SLC25A36: variants seen among roughly 807,000 people sequenced by gnomAD.
SLC25A36 encodes the protein epididymis secretory sperm binding protein.
In SLC25A36, 24 loss-of-function variants were observed where a neutral mutation model predicts 35.3. The ratio of observed to expected loss-of-function variants is 0.68; its 90% confidence interval spans 0.49 to 0.96. SLC25A36 has a LOEUF of 0.96. SLC25A36 is among the 40% of genes least tolerant of loss of function. SLC25A36 has a pLI of 0.00. For synonymous variants in SLC25A36, 141 were observed against 132.2 expected, an observed-to-expected ratio of 1.07 and a Z score of -0.46; for missense variants, 294 against 381.1, an observed-to-expected ratio of 0.77 and a Z score of 1.90.
intron 4 of SLC25A36, chr3:140,964,909 G>A (rs920956851): frequency 6.6e-6 from 1 of 151,754 alleles, no homozygotes; most frequent in Non-Finnish European, 1.5e-5. Context: ...CAGTAGAATT[G>A]TCAGTTTGCA....
At chr3:140,957,882 T>C (rs1017820067) in intron 2 of SLC25A36, among the ~76,000 whole-genome samples, 3 of 152,232 alleles carry the variant, frequency 2.0e-5, no homozygotes, top group Non-Finnish European at 2.9e-5. Flanking sequence ...GATAATACTT[T>C]TTAATTCTCT....
chr3:140,973,547 A>C, intron 5 of SLC25A36, 169 bp from the exon 6 acceptor site: 4 of 510,568 alleles, frequency 7.8e-6, no homozygotes, highest in East Asian at 3.5e-5. Flanking sequence ...ATTTAATATG[A>C]CAAATTTGGG....
In SLC25A36 at chr3:140,967,773, A is replaced by G. The variant is rs543873841; in HGVS notation, c.386-3154A>G. ...TTTTTAAAAATTTTTTAAGCTTTCT[A>G]ACATACTAACCATCCTACTAAGAGT... On this transcript the variant is annotated intron_variant, in intron 4 of 6. Transcript: ENST00000324194. Among the ~76,000 whole-genome samples, 53 of 152,072 alleles carry G rather than the reference A, an allele frequency of 3.5e-4. 1 individual carries two copies. Among genetic ancestry groups the G allele is most frequent in the South Asian group, 1.9e-3 (9 of 4,824 alleles).
chr3:140,948,285 T>C (rs1417102308), intron 1 of SLC25A36, among the ~76,000 whole-genome samples: 1 of 151,906 alleles, frequency 6.6e-6, no homozygotes, highest in Non-Finnish European at 1.5e-5. Context: ...TGAAAAACTC[T>C]TTAAGTTTGG....
chr3:140,966,125 G>A (rs1934752098), intron 4 of SLC25A36: 1 of 152,176 alleles, frequency 6.6e-6, no homozygotes, highest in African/African-American at 2.4e-5. Flanking sequence ...GGTTTTATTT[G>A]CTCACAGCAT....
intron 3 of SLC25A36, 105 bp downstream of exon 3, chr3:140,959,645 T>C: frequency 2.0e-6 from 1 of 495,022 alleles, no homozygotes; most frequent in South Asian, 5.2e-5. Flanking sequence ...ATAAATGTAG[T>C]ATTCAATGTT....
At chr3:140,971,026 AG>A in intron 5 of SLC25A36, 33 bp downstream of exon 5, 1 of 922,548 alleles carries the variant, frequency 1.1e-6, no homozygotes, top group Non-Finnish European at 1.8e-6. Context: ...AATTGGTTAA[AG>A]TGGATTTAAC....
rs1559807807 is a variant in SLC25A36 at position 140,942,009 on chromosome 3, A to G, written c.-46A>G. 3.6e-6 allele frequency: 4 copies of G among 1,108,476 alleles called. No homozygotes were observed. The highest frequency in any genetic ancestry group is 5.3e-6 in the Non-Finnish European group (4 of 756,428). The allele number at this position is 1,108,476 out of a possible 1,614,324, so 68.7% of individuals were successfully genotyped here. ...AAGCCGCCTGCCGTAGCGGGCGGCC[A>G]GATCCGCGTCCCGCCTCAGCGGCCG... On this transcript the variant is annotated 5_prime_UTR_variant, in exon 1 of 7. Coordinates refer to ENST00000324194, the MANE Select transcript of SLC25A36 (RefSeq NM_001104647.3).
Position 140,946,207 on chromosome 3 carries a change from T to C in SLC25A36, c.41+4112T>C, listed in dbSNP as rs574318411. Among the ~76,000 whole-genome samples the C allele has an allele frequency of 9.2e-5, 14 of 152,302 alleles. No homozygotes were observed. The East Asian group carries it at 2.7e-3, about 29-fold the overall frequency. On this transcript the variant is annotated intron_variant, in intron 1 of 6. Transcript: ENST00000324194. ...AAAAAAATGGTGCACCTTAAAGGAC[T>C]GTGGTAGGAGTGCACTCTAGTACTA...
At chr3:140,947,323 A>T (rs1311302166) in intron 1 of SLC25A36, among the ~76,000 whole-genome samples, 1 of 152,152 alleles carries the variant, frequency 6.6e-6, no homozygotes, top group African/African-American at 2.4e-5. Context: ...GGGGAAATTT[A>T]CTTTTACTAA....
At chr3:140,954,521 T>C (rs1934424841) in intron 1 of SLC25A36, among the ~76,000 whole-genome samples, 1 of 152,226 alleles carries the variant, frequency 6.6e-6, no homozygotes, top group Non-Finnish European at 1.5e-5. Context: ...GTAAGAGATT[T>C]CCAGTTCAGC....
At chr3:140,974,992 C>T (rs933108478) in intron 6 of SLC25A36, among the ~76,000 whole-genome samples, 1 of 150,422 alleles carries the variant, frequency 6.6e-6, no homozygotes, top group African/African-American at 2.4e-5. Context: ...GGATGGTGGC[C>T]TGCTAAGGTG....
At chr3:140,968,683 C>T (rs2107809531) in intron 4 of SLC25A36, 1 of 982,430 alleles carries the variant, frequency 1.0e-6, no homozygotes, top group South Asian at 4.7e-5. Flanking sequence ...TTTTTTCCAG[C>T]CTCAAATTCT....
At position 140,968,875 on chromosome 3, in the gene SLC25A36, A is replaced by G. The variant is rs374744104; in HGVS notation, c.386-2052A>G. Reference sequence around the variant, plus strand: ...GGCTGTTTTTTAAAAAGTTTGATGTAAAGATTCCCAGTTTTAAGCTTTTAA... The same window carrying G: ...GGCTGTTTTTTAAAAAGTTTGATGTGAAGATTCCCAGTTTTAAGCTTTTAA... On this transcript the variant is annotated intron_variant, in intron 4 of 6. Coordinates refer to ENST00000324194, the MANE Select transcript of SLC25A36 (RefSeq NM_001104647.3). 18 of 207,712 alleles carry G rather than the reference A, an allele frequency of 8.7e-5. No homozygotes were observed. The South Asian group carries it at 2.2e-3, about 25-fold the overall frequency. 12.9% of individuals were successfully genotyped at this position (207,712 alleles called of 1,614,324 possible).
chr3:140,953,404 G>GT (rs2107789069), intron 1 of SLC25A36, among the ~76,000 whole-genome samples: 1 of 146,978 alleles, frequency 6.8e-6, no homozygotes. Flanking sequence ...TTTGGGGGGG[G>GT]GGTTAAATTT....
intron 5 of SLC25A36, chr3:140,972,814 C>T (rs1934940565): frequency 2.0e-5 from 3 of 152,030 alleles, no homozygotes; most frequent in African/African-American, 7.2e-5. Flanking sequence ...CTGGTGGAAT[C>T]TGTAGGTAAT....
rs1189836221 is a variant in SLC25A36 at position 140,976,483 on chromosome 3, A to G, written c.*30A>G. ...ACGAGGACTGCTGTACTGCAAAAAAAGAAGACCAAAAGATTACAGTGGACC... is the reference window on the plus strand; with the variant it reads ...ACGAGGACTGCTGTACTGCAAAAAAGGAAGACCAAAAGATTACAGTGGACC... On this transcript the variant is annotated 3_prime_UTR_variant, in exon 7 of 7. Transcript: ENST00000324194. 1 of 1,562,602 alleles carries G rather than the reference A, an allele frequency of 6.4e-7. No individual in the cohort carries two copies. The highest frequency in any genetic ancestry group is 2.2e-5 in the East Asian group (1 of 44,494).
chr3:140,973,729 A>G lies in SLC25A36; in HGVS notation c.466A>G (p.Arg156Gly). 6.8e-7 allele frequency: 1 copy of G among 1,476,478 alleles called. No individual in the cohort carries two copies. The highest frequency in any genetic ancestry group is 9.1e-7 in the Non-Finnish European group (1 of 1,103,530). The allele number at this position is 1,476,478 out of a possible 1,614,324, so 91.5% of individuals were successfully genotyped here. A position where few individuals can be genotyped will look rare whatever the true frequency, so the allele number is the denominator to read the frequency against. The change falls in exon 6 of 7, where the codon AGG becomes GGG. Residue 156 changes from arginine to glycine, a missense_variant. Around this residue, in one of 2 missense-constraint regions of SLC25A36, gnomAD observed 185 missense variants for 201.5 expected, o/e 0.92. Coordinates refer to ENST00000324194, the MANE Select transcript of SLC25A36 (RefSeq NM_001104647.3). ...LQLDARNRGE[R>G]RMGAFECVRK... is the part of the protein sequence containing the mutation. Reference sequence around the variant, plus strand: ...TTTGCTTTTCAGGAACCGCGGGGAAAGGCGAATGGGTGCTTTTGAATGTGT... The same window carrying G: ...TTTGCTTTTCAGGAACCGCGGGGAAGGGCGAATGGGTGCTTTTGAATGTGT...
chr3:140,947,942 C>T (rs931609646), intron 1 of SLC25A36, among the ~76,000 whole-genome samples: 6 of 150,558 alleles, frequency 4.0e-5, no homozygotes, highest in East Asian at 2.0e-4. Context: ...GGAGAGTCTA[C>T]GTGGTTTTTT....
Sources: allele counts gnomAD v4.1 joint callset (sites outside exome capture counted in the v4.1 genomes callset), GRCh38; gene constraint gnomAD v4.1.1; regional missense constraint gnomAD v4.1.1; transcripts MANE v1.5; gene names NCBI Gene and HGNC (gene_info 2026-07-23, HGNC 2026-07-21).